The following SFXN1 variants were observed in gnomAD, a reference collection of about 807,000 sequenced individuals.
SFXN1 encodes the protein sideroflexin 1, also known as sideroflexin-1.
A neutral mutation model predicts 39.5 loss-of-function variants in SFXN1; 32 were observed. That is an observed-to-expected ratio of 0.81 (90% CI 0.61 to 1.09). The LOEUF (loss-of-function observed/expected upper bound fraction) is 1.09. Ranked by LOEUF, SFXN1 falls within the 50% of genes least tolerant of loss-of-function variation. The probability of loss-of-function intolerance (pLI) is 0.00; values close to 1 mark genes in which losing one functional copy is unlikely to be tolerated. For missense variants in SFXN1, 402 were observed against 407.1 expected, an observed-to-expected ratio of 0.99 and a Z score of 0.11; for synonymous variants, 136 against 146.5, an observed-to-expected ratio of 0.93 and a Z score of 0.52.
intron 1 of SFXN1, among the ~76,000 whole-genome samples, chr5:175,491,128 A>G (rs1284269865): frequency 2.6e-5 from 4 of 152,258 alleles, no homozygotes; most frequent in Non-Finnish European, 4.4e-5. Context: ...ACTTTTGGAA[A>G]AAAAGTAATG....
intron 7 of SFXN1, chr5:175,513,806 G>C: frequency 2.2e-6 from 1 of 447,062 alleles, no homozygotes. Context: ...TAGGGCAGCC[G>C]GGGAAGAGCA....
chr5:175,504,119 G>A (rs1471792179), intron 2 of SFXN1, among the ~76,000 whole-genome samples: 1 of 151,994 alleles, frequency 6.6e-6, no homozygotes, highest in Non-Finnish European at 1.5e-5. Context: ...GATTTTGGTA[G>A]TCAAATTTGA....
In SFXN1 at chr5:175,513,481, T is replaced by C; in HGVS notation, c.615T>C (p.Ile205=). ...TCTGCAGGGAACTCAAAGTTGGCAT[T>C]CCCGTCACGGATGAGAATGGGAACC... ...LMRQRELKVG[I]PVTDENGNRL... Residue 205 remains isoleucine (I), a synonymous_variant, in exon 7 of 11, where the codon ATT becomes ATC. Transcript: ENST00000321442. 6.2e-7 allele frequency: 1 copy of C among 1,613,762 alleles called. No homozygotes were observed. The highest frequency in any genetic ancestry group is 1.3e-5 in the African/African-American group (1 of 74,952).
rs558533950 is a variant in SFXN1, at chr5:175,501,745, A to G, written c.165-7287A>G. On this transcript the variant is annotated intron_variant, in intron 2 of 10. Transcript: ENST00000321442. ...CATATGGAACTATGCTCAGCATATTAGTTACTAGGGAAATGCAAATCCACA... is the reference window on the plus strand; with the variant it reads ...CATATGGAACTATGCTCAGCATATTGGTTACTAGGGAAATGCAAATCCACA... Among the ~76,000 whole-genome samples the G allele has an allele frequency of 7.2e-5, 11 of 152,264 alleles. No homozygotes were observed. In the South Asian group the frequency reaches 2.3e-3, roughly 32 times the overall value.
At chr5:175,492,872 G>A (rs1400729345) in intron 2 of SFXN1, among the ~76,000 whole-genome samples, 1 of 152,102 alleles carries the variant, frequency 6.6e-6, no homozygotes, top group Non-Finnish European at 1.5e-5. Flanking sequence ...GATCATATAG[G>A]AACTATTTCA....
intron 2 of SFXN1, among the ~76,000 whole-genome samples, chr5:175,500,350 ATAT>A: frequency 6.6e-6 from 1 of 151,574 alleles, no homozygotes; most frequent in Non-Finnish European, 1.5e-5. Context: ...AGCAACAAAA[ATAT>A]TAAGTACTTA....
intron 1 of SFXN1, among the ~76,000 whole-genome samples, chr5:175,488,087 G>A (rs952798828): frequency 1.3e-5 from 2 of 152,050 alleles, no homozygotes; most frequent in Non-Finnish European, 2.9e-5. Context: ...CTTTTAAATT[G>A]TGCGTCCGTT....
chr5:175,523,561 T>C (rs1276693670), intron 10 of SFXN1: 2 of 152,166 alleles, frequency 1.3e-5, no homozygotes, highest in African/African-American at 2.4e-5. Context: ...ACCTAAGAAA[T>C]GTAGCTGTAA....
chr5:175,512,369 TGA>T (rs1353724881), intron 6 of SFXN1, among the ~76,000 whole-genome samples, 173 bp downstream of exon 6: 3 of 152,160 alleles, frequency 2.0e-5, no homozygotes, highest in African/African-American at 7.2e-5. Flanking sequence ...ATGGGCGTCT[TGA>T]GAAAACAAGC....
chr5:175,481,121 G>A (rs1213507088), intron 1 of SFXN1, among the ~76,000 whole-genome samples: 4 of 152,082 alleles, frequency 2.6e-5, no homozygotes, highest in African/African-American at 9.7e-5. Flanking sequence ...ATCCAAATAT[G>A]TCTAAAATTC....
intron 8 of SFXN1, among the ~76,000 whole-genome samples, chr5:175,518,203 A>G (rs1158500901): frequency 2.6e-5 from 4 of 152,226 alleles, no homozygotes; most frequent in Non-Finnish European, 5.9e-5. Context: ...AACTTGGGTC[A>G]TTCTTGATGG....
intron 8 of SFXN1, among the ~76,000 whole-genome samples, chr5:175,520,665 A>C (rs1037464977): frequency 2.0e-5 from 3 of 152,188 alleles, no homozygotes; most frequent in South Asian, 2.1e-4. Context: ...ACCAGAGTCT[A>C]CTTACAATGA....
chr5:175,509,092 T>A lies in SFXN1; in HGVS notation c.225T>A (p.Tyr75Ter). The A allele has an allele frequency of 6.2e-7, 1 of 1,614,034 alleles. No individual in the cohort carries two copies. The highest frequency in any genetic ancestry group is 1.1e-5 in the South Asian group (1 of 91,042). ...ENELWRAKYI[Y>*]DSAFHPDTGE... ...AATTGTGGAGAGCAAAGTACATCTA[T>A]GATTCAGCTTTTCATCCTGACACTG... The change falls in exon 3 of 11, where the codon TAT becomes TAA. Residue 75 changes from tyrosine (Y) to a stop codon, truncating the protein, a stop_gained. Transcript: ENST00000321442. LOFTEE classifies it high-confidence loss of function.
chr5:175,485,507 C>A (rs771450676), intron 1 of SFXN1, among the ~76,000 whole-genome samples: 1 of 152,142 alleles, frequency 6.6e-6, no homozygotes, highest in Non-Finnish European at 1.5e-5. Context: ...TTATAGGGAG[C>A]CTTGTGATGA....
At position 175,510,117 on chromosome 5, in the gene SFXN1, C is replaced by T. The variant is rs201545749; in HGVS notation, c.344C>T (p.Pro115Leu). The T allele has an allele frequency of 2.8e-5, 45 of 1,611,586 alleles. No individual in the cohort carries two copies. Among genetic ancestry groups the T allele is most frequent in the Non-Finnish European group, 2.8e-5 (33 of 1,178,902 alleles). ...GCMMTFYRTT[P>L]AVLFWQWINQ... ...GGATGCCTCTGTTTTAGGACTACGC[C>T]GGCTGTGCTGTTCTGGCAGTGGATT... The change falls in exon 4 of 11, where the codon CCG becomes CTG. Residue 115 changes from proline (P) to leucine (L), a missense_variant. Pro to Leu is a moderately conservative substitution (Grantham distance 98). Transcript: ENST00000321442.
At chr5:175,520,342 C>T (rs1760842307) in intron 8 of SFXN1, among the ~76,000 whole-genome samples, 1 of 152,050 alleles carries the variant, frequency 6.6e-6, no homozygotes. Flanking sequence ...ATGTTCCTAC[C>T]TTGAGAAATG....
chr5:175,514,164 C>T (rs373711779), intron 7 of SFXN1, among the ~76,000 whole-genome samples: 24 of 152,136 alleles, frequency 1.6e-4, no homozygotes, highest in East Asian at 5.8e-4. Flanking sequence ...TCAGTGGAGG[C>T]TGTGCGGGGA....
chr5:175,492,388 C>CAAAA, intron 2 of SFXN1, 121 bp downstream of exon 2: 1 of 636,172 alleles, frequency 1.6e-6, no homozygotes, highest in African/African-American at 2.0e-5. Flanking sequence ...TTCTTTTGAC[C>CAAAA]AAAAAAAAAA....
At chr5:175,496,332 C>T (rs1038510847) in intron 2 of SFXN1, among the ~76,000 whole-genome samples, 1 of 151,764 alleles carries the variant, frequency 6.6e-6, no homozygotes, top group Non-Finnish European at 1.5e-5. Context: ...CGAGATCGCT[C>T]CCTGCACTCC....
Sources: gnomAD v4.1 joint callset for allele counts (sites outside exome capture counted in the v4.1 genomes callset) on GRCh38, gnomAD v4.1.1 for gene constraint, MANE v1.5 for transcripts, NCBI Gene and HGNC (gene_info 2026-07-23, HGNC 2026-07-21) for gene names.